Variants in PACSIN2 observed in about 807,000 individuals in gnomAD.
The protein encoded by PACSIN2 is protein kinase C and casein kinase substrate in neurons protein 2.
In PACSIN2, 25 loss-of-function variants were observed where a neutral mutation model predicts 63.8. The observed-to-expected ratio is 0.39, with a 90% CI of 0.29 to 0.55. PACSIN2 has a LOEUF of 0.55. PACSIN2 is among the 20% of genes least tolerant of loss of function. The probability of loss-of-function intolerance (pLI) is 0.62; values close to 1 mark genes in which losing one functional copy is unlikely to be tolerated. For synonymous variants in PACSIN2, 255 were observed against 256.2 expected (o/e 1.00, Z 0.05); for missense variants, 518 against 646.9 (o/e 0.80, Z 2.16).
intron 10 of PACSIN2, 129 bp downstream of exon 10, chr22:42,876,008 G>A: frequency 2.7e-6 from 2 of 729,164 alleles, no homozygotes; most frequent in South Asian, 2.0e-5. Flanking sequence ...CAGGGCACTG[G>A]GGAAGGGCCT....
At chr22:42,933,122 G>C (rs533938205) in intron 1 of PACSIN2, among the ~76,000 whole-genome samples, 18 of 152,192 alleles carry the variant, frequency 1.2e-4, no homozygotes, top group Non-Finnish European at 2.2e-4. Flanking sequence ...TCAGAACCTA[G>C]TCTATTATTA....
At chr22:42,930,942 T>C (rs1481036831) in intron 1 of PACSIN2, among the ~76,000 whole-genome samples, 1 of 152,160 alleles carries the variant, frequency 6.6e-6, no homozygotes, top group East Asian at 1.9e-4. Flanking sequence ...AAGGCAGAGG[T>C]GAGTCACGTG....
intron 1 of PACSIN2, among the ~76,000 whole-genome samples, chr22:42,984,369 A>G (rs1366500220): frequency 6.6e-6 from 1 of 152,220 alleles, no homozygotes; most frequent in Non-Finnish European, 1.5e-5. Context: ...AATAATGAGT[A>G]CAGAATTCAG....
intron 1 of PACSIN2, among the ~76,000 whole-genome samples, chr22:43,004,174 A>C (rs1923943050): frequency 6.6e-6 from 1 of 152,224 alleles, no homozygotes; most frequent in South Asian, 2.1e-4. Flanking sequence ...GCAGAGCACC[A>C]GCTCTGATGG....
chr22:42,988,450 C>T (rs945321850), intron 1 of PACSIN2, among the ~76,000 whole-genome samples: 3 of 152,124 alleles, frequency 2.0e-5, no homozygotes, highest in Non-Finnish European at 2.9e-5. Context: ...GTTAATCCTG[C>T]GTCCTAGTAA....
At chr22:42,876,483 G>A in intron 9 of PACSIN2, 150 bp from the exon 10 acceptor site, 2 of 652,230 alleles carry the variant, frequency 3.1e-6, no homozygotes, top group Non-Finnish European at 5.3e-6. Flanking sequence ...GCTAGTGTGA[G>A]TTCATGCCAT....
intron 1 of PACSIN2, among the ~76,000 whole-genome samples, chr22:42,980,451 CA>C (rs988114769): frequency 6.6e-5 from 10 of 150,656 alleles, no homozygotes; most frequent in African/African-American, 2.4e-4. Flanking sequence ...GACCCTCCCT[CA>C]AAAAAACAAA....
At chr22:42,925,547 CAGCCCCAGCATCCAGTGTCAAACACAA>C (rs1453007373) in intron 1 of PACSIN2, among the ~76,000 whole-genome samples, 2 of 151,640 alleles carry the variant, frequency 1.3e-5, no homozygotes, top group African/African-American at 4.8e-5. Context: ...ATCACTGCTA[CAGCCCCAGCATCCAGTGTCAAACACAA>C]AGCAGTTGCT....
chr22:42,994,008 A>G (rs1923228160), intron 1 of PACSIN2, among the ~76,000 whole-genome samples: 1 of 152,186 alleles, frequency 6.6e-6, no homozygotes, highest in South Asian at 2.1e-4. Context: ...TCAACATTAA[A>G]AACTCTTCAG....
intron 1 of PACSIN2, among the ~76,000 whole-genome samples, chr22:42,944,566 A>G (rs1029616816): frequency 1.3e-5 from 2 of 152,238 alleles, no homozygotes; most frequent in Non-Finnish European, 2.9e-5. Context: ...ACATGCCCCA[A>G]GCAAATAAAC....
intron 1 of PACSIN2, among the ~76,000 whole-genome samples, chr22:42,986,779 C>A (rs1311310134): frequency 1.3e-5 from 2 of 152,134 alleles, no homozygotes; most frequent in Non-Finnish European, 2.9e-5. Flanking sequence ...GAAGGGGCAG[C>A]AGCTACTGCA....
intron 1 of PACSIN2, among the ~76,000 whole-genome samples, chr22:42,958,311 C>T (rs1270666067): frequency 1.3e-5 from 2 of 152,084 alleles, no homozygotes; most frequent in African/African-American, 4.8e-5. Flanking sequence ...AGAGCCATTA[C>T]AGCTCTAAAT....
chr22:42,999,395 C>G (rs764865923), intron 1 of PACSIN2, among the ~76,000 whole-genome samples: 1 of 152,182 alleles, frequency 6.6e-6, no homozygotes, highest in African/African-American at 2.4e-5. Context: ...ACAGGCCAGG[C>G]GTGGTGGCTC....
chr22:42,990,218 C>G (rs1230650542), intron 1 of PACSIN2, among the ~76,000 whole-genome samples: 1 of 151,880 alleles, frequency 6.6e-6, no homozygotes, highest in Non-Finnish European at 1.5e-5. Flanking sequence ...TGAGGGCAGC[C>G]CTGGGCACTT....
intron 1 of PACSIN2, among the ~76,000 whole-genome samples, chr22:42,913,976 A>G (rs1931638317): frequency 6.6e-6 from 1 of 152,256 alleles, no homozygotes; most frequent in African/African-American, 2.4e-5. Flanking sequence ...CTGTGCAGCA[A>G]CAGAGACAAA....
At chr22:42,959,254 CTT>C (rs1188655547) in intron 1 of PACSIN2, among the ~76,000 whole-genome samples, 6 of 152,252 alleles carry the variant, frequency 3.9e-5, no homozygotes, top group South Asian at 4.1e-4. Flanking sequence ...TCAAGTCCCA[CTT>C]ATGTGTTTGT....
At chr22:42,972,609 C>T (rs945884568) in intron 1 of PACSIN2, among the ~76,000 whole-genome samples, 4 of 152,140 alleles carry the variant, frequency 2.6e-5, no homozygotes, top group Middle Eastern at 3.4e-3. Context: ...CACTAGGAAA[C>T]CTGAAGTTGT....
chr22:42,893,381 G>C (rs949722921), intron 3 of PACSIN2, 76 bp downstream of exon 3: 23 of 1,436,736 alleles, frequency 1.6e-5, no homozygotes, highest in Non-Finnish European at 2.1e-5. Flanking sequence ...GCATAGAGAG[G>C]GTCACAACGT....
chr22:42,883,872 C>CAG (rs1372101268), intron 6 of PACSIN2, among the ~76,000 whole-genome samples: 4 of 152,216 alleles, frequency 2.6e-5, no homozygotes, highest in South Asian at 4.1e-4. Flanking sequence ...GGTGTGGTGG[C>CAG]GCATGCCTGT....
Sources: allele counts gnomAD v4.1 joint callset (sites outside exome capture counted in the v4.1 genomes callset), GRCh38; gene constraint gnomAD v4.1.1; transcripts MANE v1.5; gene names NCBI Gene and HGNC (gene_info 2026-07-23, HGNC 2026-07-21).